SYNE1: variants seen among roughly 807,000 people sequenced by gnomAD.
The protein encoded by SYNE1 is nesprin-1.
Under a neutral mutation model 1,111.0 loss-of-function variants are expected in SYNE1, and 616 were observed. The ratio of observed to expected loss-of-function variants is 0.55; its 90% confidence interval spans 0.52 to 0.59. The LOEUF is 0.59. Among genes scored for constraint, SYNE1 ranks in the 20% least tolerant of loss-of-function variants. SYNE1 has a pLI of 0.00. For missense variants in SYNE1, 10,006 were observed against 10,417.0 expected (o/e 0.96, Z 1.72); for synonymous variants, 3,855 against 3,825.8 (o/e 1.01, Z -0.28).
Position 152,148,471 on chromosome 6 carries a change from C to T in SYNE1, c.24643-93G>A. 1 of 1,118,302 alleles carries T rather than the reference C, an allele frequency of 8.9e-7. No individual in the cohort carries two copies. 69.3% of individuals were successfully genotyped at this position (1,118,302 alleles called of 1,614,324 possible). A position where few individuals can be genotyped will look rare whatever the true frequency, so the allele number is the denominator to read the frequency against. The stretch of plus-strand genomic sequence containing the variant: ...CCTACCATGTGGGGACAATTTTTAA[C>T]TTCTTATGAGCAAATAAATAAGAAT... On this transcript the variant is annotated intron_variant, in intron 136 of 145. Coordinates refer to ENST00000367255, the MANE Select transcript of SYNE1 (RefSeq NM_182961.4). The surrounding 1 kb of genome is among the most constrained non-coding windows in gnomAD (Gnocchi z 4.1).
At chr6:152,289,967 C>T (rs553308642) in intron 95 of SYNE1, among the ~76,000 whole-genome samples, 2 of 146,870 alleles carry the variant, frequency 1.4e-5, no homozygotes, top group African/African-American at 5.0e-5. Context: ...ACCTGGTATT[C>T]CTGGGCAGTC....
chr6:152,442,198 C>A lies in SYNE1; in HGVS notation c.3885G>T (p.Gln1295His). 1 of 1,613,698 alleles carries A rather than the reference C, an allele frequency of 6.2e-7. No homozygotes were observed. Among genetic ancestry groups the A allele is most frequent in the Non-Finnish European group, 8.5e-7 (1 of 1,180,050 alleles). ...ISAKKRDVQQ[Q>H]IAQAQQGEGG... ...CTTCTCCCTGCTGCGCCTGCGCGATCTGCTGCTGCACATCTCTCTTCTTTG... is the reference window on the plus strand; with the variant it reads ...CTTCTCCCTGCTGCGCCTGCGCGATATGCTGCTGCACATCTCTCTTCTTTG... The change falls in exon 31 of 146, where the codon CAG becomes CAT. Residue 1295 changes from glutamine (Q) to histidine (H), a missense_variant. Gln to His is a conservative substitution (Grantham distance 24, BLOSUM62 0). Around this residue, in one of 7 missense-constraint regions of SYNE1, gnomAD observed 1,971 missense variants for 2,084.1 expected, o/e 0.95. Coordinates refer to ENST00000367255, the MANE Select transcript of SYNE1 (RefSeq NM_182961.4).
At position 152,391,269 on chromosome 6, in the gene SYNE1, G is replaced by A. The variant is rs529022500; in HGVS notation, c.8004+8C>T. Reference sequence around the variant, plus strand: ...CAGTTGTCAGTGTCTGGCTGGTGTCGCATGTACCTGTATTTGTGACAGCCG... The same window carrying A: ...CAGTTGTCAGTGTCTGGCTGGTGTCACATGTACCTGTATTTGTGACAGCCG... On this transcript the variant is annotated splice_region_variant and intron_variant, in intron 52 of 145. Coordinates refer to ENST00000367255, the MANE Select transcript of SYNE1 (RefSeq NM_182961.4). 125 of 1,613,538 alleles carry A rather than the reference G, an allele frequency of 7.7e-5. No homozygotes were observed. The highest frequency in any genetic ancestry group is 1.6e-4 in the Middle Eastern group (1 of 6,068).
In SYNE1 at chr6:152,443,886, G is replaced by A. The variant is rs139458527; in HGVS notation, c.3837+525C>T. ...AGTTGATTAAAATAGCTTCTTATCA[G>A]TATATATACCAGAATTTCTTTATTT... On this transcript the variant is annotated intron_variant, in intron 30 of 145. Coordinates refer to ENST00000367255, the MANE Select transcript of SYNE1 (RefSeq NM_182961.4). Among the ~76,000 whole-genome samples, 480 of 152,242 alleles carry A rather than the reference G, an allele frequency of 3.2e-3. 2 individuals are homozygous for A. The highest frequency in any genetic ancestry group is 0.011 in the African/African-American group (459 of 41,538).
chr6:152,255,570 G>T (rs2090616431), intron 103 of SYNE1, 21 bp downstream of exon 103: 3 of 1,613,824 alleles, frequency 1.9e-6, no homozygotes, highest in African/African-American at 2.7e-5. Flanking sequence ...TACACACACA[G>T]GCAGGAACTA....
chr6:152,398,245 A>T (rs1384403761), intron 49 of SYNE1, among the ~76,000 whole-genome samples: 1 of 152,178 alleles, frequency 6.6e-6, no homozygotes, highest in Non-Finnish European at 1.5e-5. Flanking sequence ...ACTATAGACC[A>T]TAAATTACTA....
chr6:152,580,178 T>C (rs2099514723), intron 3 of SYNE1, among the ~76,000 whole-genome samples: 1 of 152,312 alleles, frequency 6.6e-6, no homozygotes, highest in Non-Finnish European at 1.5e-5. Flanking sequence ...CCAGCATCTG[T>C]CATTTCTTGA....
intron 3 of SYNE1, among the ~76,000 whole-genome samples, chr6:152,593,764 T>C (rs1465556102): frequency 1.3e-5 from 2 of 152,158 alleles, no homozygotes; most frequent in South Asian, 2.1e-4. Context: ...CAATTTACTA[T>C]ATTTAGAGTT....
intron 8 of SYNE1, among the ~76,000 whole-genome samples, chr6:152,506,357 G>C (rs1306175031): frequency 6.6e-6 from 1 of 152,092 alleles, no homozygotes; most frequent in Non-Finnish European, 1.5e-5. Context: ...AATGGATAAA[G>C]TCATCTAGTA....
chr6:152,297,873 C>T (rs2094963831), intron 93 of SYNE1, among the ~76,000 whole-genome samples: 1 of 150,648 alleles, frequency 6.6e-6, no homozygotes, highest in Admixed American at 6.6e-5. Context: ...CTCCTGGTTT[C>T]TTAAAAGGAT....
chr6:152,433,306 G>A (rs1415027234), intron 34 of SYNE1, among the ~76,000 whole-genome samples: 1 of 152,084 alleles, frequency 6.6e-6, no homozygotes, highest in Non-Finnish European at 1.5e-5. Flanking sequence ...ATGCTCCAAG[G>A]TCATAAATGA....
In SYNE1 at chr6:152,422,223, G is replaced by A. The variant is rs1182895486; in HGVS notation, c.5268-2501C>T. Among the ~76,000 whole-genome samples the A allele has an allele frequency of 2.0e-5, 3 of 152,058 alleles. No homozygotes were observed. In the East Asian group the frequency reaches 5.8e-4, roughly 29 times the overall value. ...TGCTTCACAAACTCTAGAAAAACAA[G>A]TCTATAGACTACTCTAGATATTAAA... On this transcript the variant is annotated intron_variant, in intron 39 of 145. Coordinates refer to ENST00000367255, the MANE Select transcript of SYNE1 (RefSeq NM_182961.4).
At chr6:152,542,290 A>G (rs2099274925) in intron 3 of SYNE1, among the ~76,000 whole-genome samples, 1 of 152,030 alleles carries the variant, frequency 6.6e-6, no homozygotes, top group Non-Finnish European at 1.5e-5. Context: ...TAAATACAAA[A>G]CCTTTTAATT....
chr6:152,419,725 A>G lies in SYNE1; in HGVS notation c.5268-3T>C. On this transcript the variant is annotated splice_polypyrimidine_tract_variant and splice_region_variant and intron_variant, in intron 39 of 145. Transcript: ENST00000367255. ...CCACAGACTGAAGAAAATTAATCCTATGTAGACAAAGTATTAAAGTTAAAA... is the reference window on the plus strand; with the variant it reads ...CCACAGACTGAAGAAAATTAATCCTGTGTAGACAAAGTATTAAAGTTAAAA... 2 of 1,613,706 alleles carry G rather than the reference A, an allele frequency of 1.2e-6. No individual in the cohort carries two copies. The highest frequency in any genetic ancestry group is 2.2e-5 in the East Asian group (1 of 44,834).
At chr6:152,428,763 T>G (rs2098399675) in intron 36 of SYNE1, among the ~76,000 whole-genome samples, 1 of 152,098 alleles carries the variant, frequency 6.6e-6, no homozygotes, top group Admixed American at 6.5e-5. Flanking sequence ...AAATAAGAGT[T>G]ATATCTATTT....
At chr6:152,512,373 A>T (rs952569925) in intron 6 of SYNE1, among the ~76,000 whole-genome samples, 2 of 152,198 alleles carry the variant, frequency 1.3e-5, no homozygotes, top group African/African-American at 2.4e-5. Context: ...TTTATGGAAA[A>T]TAAAGAACAT....
chr6:152,411,367 T>C (rs1321140127), intron 42 of SYNE1, among the ~76,000 whole-genome samples: 7 of 152,216 alleles, frequency 4.6e-5, no homozygotes, highest in Non-Finnish European at 1.5e-5. Context: ...TTATTTTAGG[T>C]ACCAGAGCTG....
intron 59 of SYNE1, among the ~76,000 whole-genome samples, chr6:152,371,857 G>A (rs2097189545): frequency 9.7e-5 from 1 of 10,302 alleles, no homozygotes. Context: ...GGAAAGGAAA[G>A]GAAAGGAAAG....
intron 118 of SYNE1, 132 bp from the exon 119 acceptor site, chr6:152,221,178 T>G: frequency 8.6e-7 from 1 of 1,158,518 alleles, no homozygotes; most frequent in South Asian, 1.4e-5. Context: ...ATAATAAAAA[T>G]TAATGTTTCA....
Sources: gnomAD v4.1 joint callset for allele counts (sites outside exome capture counted in the v4.1 genomes callset) on GRCh38, gnomAD v4.1.1 for gene constraint, gnomAD v4.1.1 regional missense constraint, Gnocchi (gnomAD v3.1) non-coding constraint, MANE v1.5 for transcripts, NCBI Gene and HGNC (gene_info 2026-07-23, HGNC 2026-07-21) for gene names.